The following GRB14 variants were observed in gnomAD, a reference collection of about 807,000 sequenced individuals.
GRB14 encodes the protein growth factor receptor-bound protein 14.
Under a neutral mutation model 69.1 loss-of-function variants are expected in GRB14, and 38 were observed. The observed-to-expected ratio is 0.55, with a 90% CI of 0.42 to 0.72. The LOEUF is 0.72. Ranked by LOEUF, GRB14 falls within the 30% of genes least tolerant of loss-of-function variation. The probability of loss-of-function intolerance (pLI) is 0.00; values close to 1 mark genes in which losing one functional copy is unlikely to be tolerated. For missense variants in GRB14, 666 were observed against 666.1 expected, an observed-to-expected ratio of 1.00 and a Z score of 0.00; for synonymous variants, 247 against 241.3, an observed-to-expected ratio of 1.02 and a Z score of -0.22.
At chr2:164,495,027 C>A (rs999241112) in intron 12 of GRB14, among the ~76,000 whole-genome samples, 3 of 152,012 alleles carry the variant, frequency 2.0e-5, no homozygotes, top group Non-Finnish European at 4.4e-5. Context: ...CTGCAATCTC[C>A]GCCTCCAGGG....
At position 164,621,211 on chromosome 2, in the gene GRB14, C is replaced by G; in HGVS notation, c.99G>C (p.Arg33Ser). The G allele has an allele frequency of 8.0e-7, 1 of 1,246,350 alleles. No homozygotes were observed. The highest frequency in any genetic ancestry group is 1.5e-5 in the African/African-American group (1 of 64,962). 77.2% of individuals were successfully genotyped at this position (1,246,350 alleles called of 1,614,324 possible). A position where few individuals can be genotyped will look rare whatever the true frequency, so the allele number is the denominator to read the frequency against. ...CCGGCGCCAGGTCGTGGGCGTCGCC[C>G]CTCCCCTGGGCAGCGCCACACACCT... is the stretch of plus-strand genomic sequence containing the variant. ...AAQVCGAAQGRGDAHDLAPAP... is the reference protein window; with the variant it reads ...AAQVCGAAQGSGDAHDLAPAP... Residue 33 changes from arginine (R) to serine (S), a missense_variant, in exon 1 of 14, where the codon AGG (arginine) becomes AGC (serine). Physicochemically the swap from Arg to Ser is moderately radical, Grantham distance 110. Transcript: ENST00000263915. The surrounding 1 kb of genome is among the most constrained non-coding windows in gnomAD (Gnocchi z 6.0).
At chr2:164,553,020 G>T (rs1240737047) in intron 2 of GRB14, among the ~76,000 whole-genome samples, 2 of 152,140 alleles carry the variant, frequency 1.3e-5, no homozygotes, top group African/African-American at 4.8e-5. Flanking sequence ...CCTGAAGAAT[G>T]ATCTAGGGGT....
chr2:164,521,431 C>T (rs559951669), intron 6 of GRB14, among the ~76,000 whole-genome samples: 2 of 152,052 alleles, frequency 1.3e-5, no homozygotes, highest in South Asian at 4.2e-4. Context: ...CCTGTTGATG[C>T]GTGCACCAAA....
At chr2:164,582,585 T>G (rs1372934419) in intron 2 of GRB14, among the ~76,000 whole-genome samples, 1 of 152,072 alleles carries the variant, frequency 6.6e-6, no homozygotes, top group Non-Finnish European at 1.5e-5. Context: ...CATGCCTGGC[T>G]AATTTTCGTA....
intron 2 of GRB14, among the ~76,000 whole-genome samples, chr2:164,616,807 G>T (rs1690309382): frequency 6.6e-6 from 1 of 152,122 alleles, no homozygotes; most frequent in Non-Finnish European, 1.5e-5. Context: ...TGGTTAAACA[G>T]GACAAATGAG....
chr2:164,531,273 T>C (rs190236708), intron 3 of GRB14, among the ~76,000 whole-genome samples: 5 of 152,320 alleles, frequency 3.3e-5, no homozygotes, highest in African/African-American at 1.2e-4. Context: ...CAAACTCAGC[T>C]GGTATTTTCA....
chr2:164,497,087 G>T lies in GRB14; in HGVS notation c.1303C>A (p.Arg435=), dbSNP rs776488093. Reference sequence around the variant, plus strand: ...TTGTGGTGAAACCATGGCTGGGACCGGTGGATAGCTAAAGAAATAGGATGG... The same window carrying T: ...TTGTGGTGAAACCATGGCTGGGACCTGTGGATAGCTAAAGAAATAGGATGG... ...QSSATNMAIH[R]SQPWFHHKIS... Residue 435 remains arginine, a synonymous_variant, in exon 12 of 14, where the codon CGG becomes AGG. Coordinates refer to ENST00000263915, the MANE Select transcript of GRB14 (RefSeq NM_004490.3). The T allele has an allele frequency of 9.3e-6, 15 of 1,613,380 alleles. No homozygotes were observed. Among genetic ancestry groups the T allele is most frequent in the Non-Finnish European group, 1.3e-5 (15 of 1,179,416 alleles).
intron 2 of GRB14, among the ~76,000 whole-genome samples, chr2:164,615,937 T>C (rs1690280971): frequency 6.6e-6 from 1 of 152,216 alleles, no homozygotes; most frequent in Non-Finnish European, 1.5e-5. Flanking sequence ...TAACAGATGA[T>C]TTCCTTATAA....
Position 164,600,585 on chromosome 2 carries a change from G to A in GRB14, c.324+19102C>T, listed in dbSNP as rs76728816. Among the ~76,000 whole-genome samples the A allele has an allele frequency of 8.5e-4, 129 of 152,216 alleles. No homozygotes were observed. In the East Asian group the frequency reaches 0.02, roughly 24 times the overall value. On this transcript the variant is annotated intron_variant, in intron 2 of 13. Transcript: ENST00000263915. ...ACTTGTTAAAGGTTTTAATGTTTCA[G>A]CCTATGGAAATAGAGTGTCCAAGGA...
chr2:164,505,907 T>C (rs1454146088), intron 8 of GRB14, among the ~76,000 whole-genome samples: 4 of 152,184 alleles, frequency 2.6e-5, no homozygotes, highest in African/African-American at 9.7e-5. Flanking sequence ...ACCAATGGCT[T>C]CTTAGATTAA....
chr2:164,619,939 T>C (rs896626087), intron 1 of GRB14, 120 bp from the exon 2 acceptor site: 53 of 752,024 alleles, frequency 7.0e-5, no homozygotes, highest in Admixed American at 2.3e-4. Context: ...GCTCATATTA[T>C]ATAAAGTATA....
chr2:164,499,539 T>C (rs1686996390), intron 9 of GRB14, among the ~76,000 whole-genome samples: 1 of 152,158 alleles, frequency 6.6e-6, no homozygotes, highest in Non-Finnish European at 1.5e-5. Flanking sequence ...ACATTCAGAA[T>C]TGGTTATATT....
At chr2:164,511,878 A>G (rs1687347973) in intron 6 of GRB14, among the ~76,000 whole-genome samples, 1 of 152,152 alleles carries the variant, frequency 6.6e-6, no homozygotes, top group Non-Finnish European at 1.5e-5. Context: ...ATTTCTGGAC[A>G]TGCTCTGAGT....
chr2:164,585,085 CTTTTTTTTTTTTTTTTTTTT>C (rs146962375), intron 2 of GRB14, among the ~76,000 whole-genome samples: 45 of 54,382 alleles, frequency 8.3e-4, no homozygotes, highest in Non-Finnish European at 1.1e-3. Flanking sequence ...CCATGCCTGG[CTTTTTTTTTTTTTTTTTTTT>C]TTTTTTTTTT....
At chr2:164,522,206 C>T (rs1687652986) in intron 5 of GRB14, 89 bp from the exon 6 acceptor site, 1 of 761,300 alleles carries the variant, frequency 1.3e-6, no homozygotes, top group Admixed American at 2.4e-5. Flanking sequence ...CAAATATAAA[C>T]ATGTAAAAAT....
At chr2:164,501,564 T>G (rs1445967380) in intron 9 of GRB14, among the ~76,000 whole-genome samples, 2 of 152,066 alleles carry the variant, frequency 1.3e-5, no homozygotes, top group Non-Finnish European at 2.9e-5. Flanking sequence ...TAAAATTAGA[T>G]CCTAAAGAAG....
chr2:164,538,771 T>C (rs192627719), intron 3 of GRB14, among the ~76,000 whole-genome samples: 23 of 152,332 alleles, frequency 1.5e-4, no homozygotes, highest in Non-Finnish European at 2.2e-4. Flanking sequence ...AATTCATGTT[T>C]TGTACAAATT....
At chr2:164,569,871 G>A (rs1474261649) in intron 2 of GRB14, among the ~76,000 whole-genome samples, 1 of 152,026 alleles carries the variant, frequency 6.6e-6, no homozygotes, top group Non-Finnish European at 1.5e-5. Context: ...AAATTACCAA[G>A]AAAGCAAATA....
intron 6 of GRB14, among the ~76,000 whole-genome samples, chr2:164,510,891 T>A (rs760319490): frequency 2.6e-5 from 4 of 152,172 alleles, no homozygotes; most frequent in Non-Finnish European, 1.5e-5. Flanking sequence ...AGTCTTACAT[T>A]GTCAGTACCT....
Sources: gnomAD v4.1 joint callset for allele counts (sites outside exome capture counted in the v4.1 genomes callset) on GRCh38, gnomAD v4.1.1 for gene constraint, Gnocchi (gnomAD v3.1) non-coding constraint, MANE v1.5 for transcripts, NCBI Gene and HGNC (gene_info 2026-07-23, HGNC 2026-07-21) for gene names.